Variants in ANK1 observed in about 807,000 individuals in gnomAD.
The protein encoded by ANK1 is ankyrin 1, also known as ankyrin-1.
Under a neutral mutation model 210.4 loss-of-function variants are expected in ANK1, and 51 were observed. The ratio of observed to expected loss-of-function variants is 0.24; its 90% CI spans 0.19 to 0.31. ANK1 has a LOEUF of 0.31. Ranked by LOEUF, ANK1 falls within the 10% of genes least tolerant of loss-of-function variation. ANK1 has a pLI of 1.00. For missense variants in ANK1, 2,051 were observed against 2,504.4 expected, an observed-to-expected ratio of 0.82 and a Z score of 3.86; for synonymous variants, 967 against 1,025.9, an observed-to-expected ratio of 0.94 and a Z score of 1.10.
At chr8:41,660,463 G>A (rs558947995) in intron 42 of ANK1, 139 of 461,022 alleles carry the variant, frequency 3.0e-4, no homozygotes, top group African/African-American at 2.2e-3. Context: ...GAGCTGCCCC[G>A]AGCTGGGCAG....
At chr8:41,730,276 A>C (rs2150667093) in intron 3 of ANK1, among the ~76,000 whole-genome samples, 1 of 152,296 alleles carries the variant, frequency 6.6e-6, no homozygotes, top group East Asian at 1.9e-4. Context: ...GAAGCAGCTC[A>C]GTTCTGTTTC....
In ANK1 at chr8:41,723,131, T is replaced by C; in HGVS notation, c.903A>G (p.Lys301=). 1 of 1,614,170 alleles carries C rather than the reference T, an allele frequency of 6.2e-7. No individual in the cohort carries two copies. The highest frequency in any genetic ancestry group is 8.5e-7 in the Non-Finnish European group (1 of 1,180,026). The change falls in exon 9 of 43, where the codon AAA becomes AAG. Residue 301 remains lysine, a synonymous_variant. Transcript: ENST00000289734. Reference sequence around the variant, plus strand: ...ACAGGAAGGAAGTACACACCTTGGTTTTGGCTTGGATTGGTGCCCCGTGGT... The same window carrying C: ...ACAGGAAGGAAGTACACACCTTGGTCTTGGCTTGGATTGGTGCCCCGTGGT... ...LLDHGAPIQA[K]TKNGLSPIHM...
intron 37 of ANK1, among the ~76,000 whole-genome samples, chr8:41,684,254 C>T (rs1462156745): frequency 6.6e-6 from 1 of 152,240 alleles, no homozygotes; most frequent in African/African-American, 2.4e-5. Context: ...TTCTCATACA[C>T]CACGCCCTGT....
chr8:41,865,069 G>C (rs1446378994), intron 1 of ANK1, among the ~76,000 whole-genome samples: 1 of 152,192 alleles, frequency 6.6e-6, no homozygotes, highest in Non-Finnish European at 1.5e-5. Context: ...GGTAGGGTCT[G>C]CGAGCATCCA....
upstream of ANK1, among the ~76,000 whole-genome samples, chr8:41,797,808 G>C (rs1370443700): frequency 1.3e-5 from 2 of 152,026 alleles, no homozygotes; most frequent in African/African-American, 4.8e-5. This position sits in a 1 kb window ranked among gnomAD's most constrained non-coding sequence, Gnocchi z 4.0. Flanking sequence ...CGGCCGGCGC[G>C]GACCCCTGGT....
intron 2 of ANK1, among the ~76,000 whole-genome samples, chr8:41,755,034 G>A (rs1000710587): frequency 3.3e-5 from 5 of 152,196 alleles, no homozygotes; most frequent in African/African-American, 7.2e-5. Context: ...CATAACTTGT[G>A]GCAGTGTCCT....
intron 1 of ANK1, among the ~76,000 whole-genome samples, chr8:41,891,127 G>A (rs1309463370): frequency 1.3e-5 from 2 of 152,128 alleles, no homozygotes; most frequent in African/African-American, 4.8e-5. Flanking sequence ...CATTGAAGGA[G>A]GAAGGAATCA....
At chr8:41,879,091 T>A (rs1817127871) in intron 1 of ANK1, among the ~76,000 whole-genome samples, 1 of 151,594 alleles carries the variant, frequency 6.6e-6, no homozygotes, top group South Asian at 2.1e-4. Context: ...ATTGAAAAAT[T>A]AAAAAAAATG....
intron 1 of ANK1, among the ~76,000 whole-genome samples, chr8:41,867,579 C>T (rs992665835): frequency 1.3e-5 from 2 of 152,152 alleles, no homozygotes; most frequent in Non-Finnish European, 2.9e-5. Context: ...TTTCCCATGC[C>T]ATTCCCTCTG....
intron 1 of ANK1, among the ~76,000 whole-genome samples, chr8:41,822,098 GAGAGAGAGAGAGAGAGAAAGAA>G (rs201326396): frequency 0.058 from 5,056 of 86,490 alleles, 292 homozygotes; most frequent in African/African-American, 0.13. Flanking sequence ...GAGAGAGAGA[GAGAGAGAGAGAGAGAGAAAGAA>G]AGAGAAAGAA....
intron 1 of ANK1, among the ~76,000 whole-genome samples, chr8:41,888,485 A>C (rs899793306): frequency 2.0e-5 from 3 of 152,154 alleles, no homozygotes; most frequent in African/African-American, 7.2e-5. Flanking sequence ...ATCCATTCAC[A>C]CCACCCTCAT....
chr8:41,765,390 G>A (rs1222809096), intron 1 of ANK1, among the ~76,000 whole-genome samples: 2 of 141,470 alleles, frequency 1.4e-5, no homozygotes, highest in Non-Finnish European at 3.1e-5. Flanking sequence ...GAAACTACAG[G>A]CGTGCACCAC....
At chr8:41,703,420 G>GTATATATATATA (rs1431513474) in intron 20 of ANK1, among the ~76,000 whole-genome samples, 11 of 51,136 alleles carry the variant, frequency 2.2e-4, no homozygotes, top group Admixed American at 1.5e-3. Flanking sequence ...GTGTGTGTGT[G>GTATATATATATA]TGTATATATA....
chr8:41,871,165 C>T (rs1176699120), intron 1 of ANK1, among the ~76,000 whole-genome samples: 2 of 152,220 alleles, frequency 1.3e-5, no homozygotes, highest in Non-Finnish European at 2.9e-5. Context: ...AGGGTGCCTT[C>T]CCATCGCCCC....
At chr8:41,779,968 G>A (rs13264512) in intron 1 of ANK1, among the ~76,000 whole-genome samples, 33,905 of 152,182 alleles carry the variant, frequency 0.22, 4,806 homozygotes, top group Non-Finnish European at 0.31. Flanking sequence ...ATGAGACAGA[G>A]CCTAGGGAGG....
intron 1 of ANK1, among the ~76,000 whole-genome samples, chr8:41,848,386 G>A (rs999611055): frequency 3.3e-5 from 5 of 152,116 alleles, no homozygotes; most frequent in Admixed American, 1.3e-4. Context: ...GCTAAAATGC[G>A]AAGACCTCAC....
chr8:41,748,651 C>A (rs1836786585), intron 2 of ANK1, among the ~76,000 whole-genome samples: 1 of 152,206 alleles, frequency 6.6e-6, no homozygotes, highest in African/African-American at 2.4e-5. Context: ...CAGCCACTAC[C>A]CTTAGACAAG....
chr8:41,816,646 T>G (rs1017005218), intron 1 of ANK1, among the ~76,000 whole-genome samples: 4 of 152,094 alleles, frequency 2.6e-5, no homozygotes, highest in Non-Finnish European at 5.9e-5. Context: ...CCCAGGCTGG[T>G]CTTGCCCTTC....
intron 4 of ANK1, among the ~76,000 whole-genome samples, chr8:41,727,550 C>T (rs1831029001): frequency 6.6e-6 from 1 of 152,192 alleles, no homozygotes; most frequent in African/African-American, 2.4e-5. Flanking sequence ...CCTCCCCTCG[C>T]CACCGTAGGT....
Sources: gnomAD v4.1 joint callset for allele counts (sites outside exome capture counted in the v4.1 genomes callset) on GRCh38, gnomAD v4.1.1 for gene constraint, Gnocchi (gnomAD v3.1) non-coding constraint, MANE v1.5 for transcripts, NCBI Gene and HGNC (gene_info 2026-07-23, HGNC 2026-07-21) for gene names.